Variants in DAB1 observed in about 807,000 individuals in gnomAD.
DAB1 encodes the protein disabled homolog 1.
A neutral mutation model predicts 64.6 loss-of-function variants in DAB1; 15 were observed. That is an observed-to-expected ratio of 0.23 (90% confidence interval 0.16 to 0.36). DAB1 has a LOEUF of 0.36. DAB1 is among the 10% of genes least tolerant of loss of function. DAB1 has a pLI of 1.00. For missense variants in DAB1, 596 were observed against 706.7 expected, an observed-to-expected ratio of 0.84 and a Z score of 1.78; for synonymous variants, 235 against 251.9, an observed-to-expected ratio of 0.93 and a Z score of 0.64.
chr1:57,818,436 G>A (rs1401596110), intron 6 of DAB1, among the ~76,000 whole-genome samples: 4 of 152,094 alleles, frequency 2.6e-5, no homozygotes, highest in Admixed American at 2.6e-4. Flanking sequence ...CTTTCACTTG[G>A]TAGTAAAATA....
intron 2 of DAB1, among the ~76,000 whole-genome samples, chr1:57,257,453 T>A (rs1490804542): frequency 6.6e-6 from 1 of 152,174 alleles, no homozygotes; most frequent in Non-Finnish European, 1.5e-5. Flanking sequence ...CTCTTTTACA[T>A]CCTCCCAATA....
At chr1:57,826,595 G>C (rs1304184185) in intron 1 of DAB1, 1 of 152,338 alleles carries the variant, frequency 6.6e-6, no homozygotes, top group Non-Finnish European at 1.5e-5. Context: ...CTGCCTCCCA[G>C]GGCTCCAACA....
At chr1:57,585,773 C>A (rs1645371680) in intron 7 of DAB1, among the ~76,000 whole-genome samples, 1 of 152,198 alleles carries the variant, frequency 6.6e-6, no homozygotes, top group South Asian at 2.1e-4. Context: ...CATATTACAT[C>A]TTGATATAAA....
intron 5 of DAB1, among the ~76,000 whole-genome samples, chr1:58,067,710 C>T (rs1269506587): frequency 1.3e-5 from 2 of 152,100 alleles, no homozygotes; most frequent in Admixed American, 6.6e-5. Flanking sequence ...ATTCTGTAGC[C>T]AACACTCTAG....
chr1:58,168,348 C>T (rs867418256), intron 4 of DAB1, among the ~76,000 whole-genome samples: 2 of 152,066 alleles, frequency 1.3e-5, no homozygotes, highest in South Asian at 4.2e-4. Flanking sequence ...TGGCCATGAG[C>T]GGAACTCTCA....
chr1:57,325,581 T>C (rs555444627), intron 1 of DAB1, among the ~76,000 whole-genome samples: 2 of 152,220 alleles, frequency 1.3e-5, no homozygotes, highest in Non-Finnish European at 2.9e-5. Context: ...TTATAACTGA[T>C]GTTTTTACAT....
intron 9 of DAB1, among the ~76,000 whole-genome samples, chr1:57,028,433 A>T (rs897587321): frequency 3.3e-5 from 5 of 152,198 alleles, no homozygotes; most frequent in Admixed American, 2.0e-4. Flanking sequence ...AAATGGACTA[A>T]TACAGTAAAA....
intron 5 of DAB1, among the ~76,000 whole-genome samples, chr1:57,997,726 T>C (rs1797144): frequency 0.62 from 93,528 of 151,888 alleles, 30,190 homozygotes; most frequent in East Asian, 0.97. Flanking sequence ...TTTTATGCAG[T>C]AGAAGAATCT....
intron 3 of DAB1, among the ~76,000 whole-genome samples, chr1:58,409,828 A>C (rs1008173374): frequency 1.3e-5 from 2 of 152,204 alleles, no homozygotes; most frequent in Non-Finnish European, 2.9e-5. Flanking sequence ...GGTCCTGTTT[A>C]GCCAAGGGAC....
At chr1:57,103,625 C>T (rs1017492517) in intron 4 of DAB1, among the ~76,000 whole-genome samples, 10 of 151,956 alleles carry the variant, frequency 6.6e-5, no homozygotes, top group African/African-American at 1.7e-4. Flanking sequence ...AGTAGGGAGG[C>T]GACACAGGGA....
intron 5 of DAB1, among the ~76,000 whole-genome samples, chr1:58,139,121 G>C (rs556892654): frequency 6.6e-6 from 1 of 152,224 alleles, no homozygotes; most frequent in South Asian, 2.1e-4. Context: ...TTTCTAGGTA[G>C]AGAGACCAGA....
At chr1:57,165,173 T>A (rs1160825336) in intron 2 of DAB1, among the ~76,000 whole-genome samples, 10 of 152,210 alleles carry the variant, frequency 6.6e-5, no homozygotes, top group African/African-American at 2.2e-4. Context: ...TAGCATTTAA[T>A]TAATTTAATA....
At chr1:57,053,325 G>A (rs1030186513) in intron 9 of DAB1, among the ~76,000 whole-genome samples, 2 of 152,034 alleles carry the variant, frequency 1.3e-5, no homozygotes, top group African/African-American at 4.8e-5. Context: ...ATAGCTCACT[G>A]CAGCCTCAAA....
intron 3 of DAB1, among the ~76,000 whole-genome samples, chr1:58,440,391 A>C (rs2100265325): frequency 6.6e-6 from 1 of 152,332 alleles, no homozygotes; most frequent in South Asian, 2.1e-4. Context: ...CCTGAAGCAA[A>C]TGCTGTGGCT....
At chr1:57,302,216 T>C (rs1673721070) in intron 1 of DAB1, among the ~76,000 whole-genome samples, 1 of 152,172 alleles carries the variant, frequency 6.6e-6, no homozygotes, top group South Asian at 2.1e-4. Context: ...CGTGTTTTCC[T>C]GAAGCCATAA....
At chr1:57,859,785 G>A (rs1342066564) in intron 1 of DAB1, among the ~76,000 whole-genome samples, 1 of 152,152 alleles carries the variant, frequency 6.6e-6, no homozygotes, top group Non-Finnish European at 1.5e-5. Flanking sequence ...AGCGAGTGAG[G>A]AACACATGGA....
intron 5 of DAB1, among the ~76,000 whole-genome samples, chr1:58,105,792 C>G (rs1342535826): frequency 6.6e-6 from 1 of 152,176 alleles, no homozygotes; most frequent in East Asian, 1.9e-4. Flanking sequence ...GAAAGAGAAA[C>G]ATGTATAAGC....
chr1:58,192,471 C>A (rs1246454119), intron 4 of DAB1, among the ~76,000 whole-genome samples: 2 of 152,080 alleles, frequency 1.3e-5, no homozygotes, highest in Non-Finnish European at 2.9e-5. Context: ...TCTATGTGTC[C>A]ATGTGTATCA....
chr1:57,789,396 C>T (rs1269477206), intron 6 of DAB1, among the ~76,000 whole-genome samples: 1 of 152,172 alleles, frequency 6.6e-6, no homozygotes, highest in Non-Finnish European at 1.5e-5. Context: ...CAGAGTACCT[C>T]AGACTTACAC....
Sources: allele counts gnomAD v4.1 joint callset (sites outside exome capture counted in the v4.1 genomes callset), GRCh38; gene constraint gnomAD v4.1.1; transcripts MANE v1.5; gene names NCBI Gene and HGNC (gene_info 2026-07-23, HGNC 2026-07-21).